Variants in GALNT7 observed in about 807,000 individuals in gnomAD.
The protein encoded by GALNT7 is N-acetylgalactosaminyltransferase 7.
GALNT7 carries 60 observed loss-of-function variants against 82.1 expected under a neutral mutation model. That is an observed-to-expected ratio of 0.73 (90% CI 0.59 to 0.91). The LOEUF is 0.91. Among genes scored for constraint, GALNT7 ranks in the 40% least tolerant of loss-of-function variants. GALNT7 has a pLI of 0.00. For missense variants in GALNT7, 660 were observed against 804.2 expected, an observed-to-expected ratio of 0.82 and a Z score of 2.17; for synonymous variants, 243 against 275.1, an observed-to-expected ratio of 0.88 and a Z score of 1.15.
At chr4:173,247,389 A>G (rs1161554033) in intron 1 of GALNT7, among the ~76,000 whole-genome samples, 2 of 150,890 alleles carry the variant, frequency 1.3e-5, no homozygotes, top group African/African-American at 2.4e-5. Flanking sequence ...TGACTTAGTT[A>G]CAGATATTAG....
chr4:173,212,602 A>T (rs1289739790), intron 1 of GALNT7, among the ~76,000 whole-genome samples: 1 of 146,866 alleles, frequency 6.8e-6, no homozygotes, highest in Non-Finnish European at 1.5e-5. Context: ...CTAGTTTGCC[A>T]CTGTCTTCTG....
At chr4:173,268,587 G>A (rs554999314) in intron 2 of GALNT7, among the ~76,000 whole-genome samples, 37 of 133,472 alleles carry the variant, frequency 2.8e-4, no homozygotes, top group Middle Eastern at 4.1e-3. Context: ...TAGCCCAGGC[G>A]TGGCGCCATC....
chr4:173,270,023 T>G (rs777151049), intron 2 of GALNT7, among the ~76,000 whole-genome samples: 1 of 152,222 alleles, frequency 6.6e-6, no homozygotes, highest in Non-Finnish European at 1.5e-5. Flanking sequence ...GATATAAATG[T>G]ATGCATATTT....
intron 11 of GALNT7, among the ~76,000 whole-genome samples, chr4:173,318,937 C>T (rs2126876863): frequency 6.6e-6 from 1 of 151,956 alleles, no homozygotes; most frequent in South Asian, 2.1e-4. Flanking sequence ...TATATTTATA[C>T]TATTAAAAAT....
intron 2 of GALNT7, among the ~76,000 whole-genome samples, chr4:173,265,611 CTCTCTCTCTG>C (rs1158979324): frequency 0.01 from 1,466 of 143,112 alleles, 30 homozygotes; most frequent in African/African-American, 0.039. Context: ...CTCTCTCTCT[CTCTCTCTCTG>C]TCTCTGTCTC....
intron 2 of GALNT7, among the ~76,000 whole-genome samples, chr4:173,251,329 A>G (rs950919393): frequency 1.3e-5 from 2 of 152,246 alleles, no homozygotes; most frequent in African/African-American, 2.4e-5. Context: ...TTAGAATTAA[A>G]ATGACATAAT....
intron 1 of GALNT7, among the ~76,000 whole-genome samples, chr4:173,197,062 C>CA (rs1732800096): frequency 1.5e-5 from 1 of 66,764 alleles, no homozygotes; most frequent in Non-Finnish European, 3.3e-5. Flanking sequence ...TCTCTCTCTC[C>CA]CTTTTTTTTT....
At chr4:173,270,522 T>G (rs1735684391) in intron 2 of GALNT7, among the ~76,000 whole-genome samples, 1 of 152,228 alleles carries the variant, frequency 6.6e-6, no homozygotes, top group South Asian at 2.1e-4. Context: ...TAGAGGTCAG[T>G]GCTGTGAAGC....
chr4:173,296,019 T>C (rs764480961), intron 5 of GALNT7, among the ~76,000 whole-genome samples, 176 bp downstream of exon 5: 14 of 152,212 alleles, frequency 9.2e-5, no homozygotes, highest in Non-Finnish European at 1.8e-4. Context: ...TGGACTGATT[T>C]AAATGTAGGC....
At chr4:173,179,893 T>C (rs1732189420) in intron 1 of GALNT7, among the ~76,000 whole-genome samples, 1 of 152,234 alleles carries the variant, frequency 6.6e-6, no homozygotes, top group African/African-American at 2.4e-5. Context: ...TTGTCAGTAC[T>C]TACTGCTGTA....
intron 6 of GALNT7, among the ~76,000 whole-genome samples, chr4:173,298,995 A>G (rs1374321230): frequency 6.6e-6 from 1 of 152,218 alleles, no homozygotes; most frequent in African/African-American, 2.4e-5. Flanking sequence ...TTGTAATTAG[A>G]ACATTTTACT....
chr4:173,224,748 C>CA (rs1376101333), intron 1 of GALNT7, among the ~76,000 whole-genome samples: 1 of 151,974 alleles, frequency 6.6e-6, no homozygotes, highest in African/African-American at 2.4e-5. Context: ...CGCGGTGGCT[C>CA]ACGCCTGTAA....
intron 2 of GALNT7, among the ~76,000 whole-genome samples, chr4:173,290,888 C>T (rs531588512): frequency 6.6e-5 from 10 of 152,236 alleles, no homozygotes; most frequent in South Asian, 4.1e-4. Context: ...TCTGTAAGAA[C>T]GCAAGGCCTG....
At chr4:173,283,475 A>G (rs1022873006) in intron 2 of GALNT7, among the ~76,000 whole-genome samples, 2 of 152,042 alleles carry the variant, frequency 1.3e-5, no homozygotes, top group African/African-American at 2.4e-5. Flanking sequence ...CCCCATCTCT[A>G]TGGAAAATAC....
chr4:173,291,993 T>G, intron 2 of GALNT7, 115 bp from the exon 3 acceptor site: 1 of 631,922 alleles, frequency 1.6e-6, no homozygotes, highest in Non-Finnish European at 2.8e-6. Flanking sequence ...CTATATTTCA[T>G]TCACTTACCG....
intron 2 of GALNT7, among the ~76,000 whole-genome samples, chr4:173,252,729 C>T (rs1170178588): frequency 6.6e-6 from 1 of 152,170 alleles, no homozygotes; most frequent in African/African-American, 2.4e-5. Flanking sequence ...CACAGTTCAA[C>T]AGATATTGAG....
chr4:173,241,554 A>T (rs1734434037), intron 1 of GALNT7, among the ~76,000 whole-genome samples: 1 of 152,242 alleles, frequency 6.6e-6, no homozygotes, highest in Non-Finnish European at 1.5e-5. Flanking sequence ...ATTTATTGAG[A>T]GGCTCTTATA....
At chr4:173,191,232 G>C (rs574403078) in intron 1 of GALNT7, among the ~76,000 whole-genome samples, 6 of 152,090 alleles carry the variant, frequency 3.9e-5, no homozygotes, top group Admixed American at 6.5e-5. Flanking sequence ...TGGGATGGGG[G>C]GGGTACTTGG....
chr4:173,220,389 CTG>C (rs1733605418), intron 1 of GALNT7, among the ~76,000 whole-genome samples: 1 of 152,146 alleles, frequency 6.6e-6, no homozygotes, highest in Admixed American at 6.5e-5. Context: ...GTTTTGGTGA[CTG>C]TGATCTCATG....
Sources: allele counts gnomAD v4.1 joint callset (sites outside exome capture counted in the v4.1 genomes callset), GRCh38; gene constraint gnomAD v4.1.1; transcripts MANE v1.5; gene names NCBI Gene and HGNC (gene_info 2026-07-23, HGNC 2026-07-21).